Variants in PARD3 observed in about 807,000 individuals in gnomAD.
PARD3 encodes par-3 family cell polarity regulator.
In PARD3, 75 loss-of-function variants were observed where a neutral mutation model predicts 155.4. The observed-to-expected ratio is 0.48, with a 90% CI of 0.40 to 0.58. The LOEUF (loss-of-function observed/expected upper bound fraction) is 0.58, where lower values mean the gene tolerates loss of function less well. PARD3 is among the 20% of genes least tolerant of loss of function. PARD3 has a pLI of 0.00. For missense variants in PARD3, 1,642 were observed against 1,721.7 expected (o/e 0.95, Z 0.82); for synonymous variants, 576 against 610.5 (o/e 0.94, Z 0.83).
intron 2 of PARD3, among the ~76,000 whole-genome samples, chr10:34,606,124 A>G (rs998770325): frequency 6.7e-6 from 1 of 148,954 alleles, no homozygotes; most frequent in Non-Finnish European, 1.5e-5. Flanking sequence ...AGAACTACAT[A>G]TATCTATATT....
At chr10:34,418,437 G>A (rs2132391014) in intron 5 of PARD3, among the ~76,000 whole-genome samples, 1 of 152,218 alleles carries the variant, frequency 6.6e-6, no homozygotes, top group African/African-American at 2.4e-5. Context: ...GCCTCCCAAA[G>A]TGCTGGGACT....
intron 22 of PARD3, among the ~76,000 whole-genome samples, chr10:34,229,594 C>A (rs755859064): frequency 3.3e-5 from 5 of 151,734 alleles, no homozygotes; most frequent in Non-Finnish European, 7.4e-5. Context: ...CCTAAATATG[C>A]CTCTTTAATA....
At chr10:34,814,764 T>C in intron 1 of PARD3, 112 bp downstream of exon 1, 5 of 970,908 alleles carry the variant, frequency 5.1e-6, no homozygotes, top group Non-Finnish European at 7.2e-6. Context: ...CGGCCGCACT[T>C]TCCCTTTCCC....
At chr10:34,119,995 T>C (rs1241886902) in intron 23 of PARD3, among the ~76,000 whole-genome samples, 1 of 148,578 alleles carries the variant, frequency 6.7e-6, no homozygotes, top group Non-Finnish European at 1.5e-5. Flanking sequence ...AACTTTCTAG[T>C]CTTCTTTAAT....
intron 1 of PARD3, among the ~76,000 whole-genome samples, chr10:34,801,374 A>C (rs904051082): frequency 3.3e-5 from 5 of 152,220 alleles, no homozygotes; most frequent in African/African-American, 1.2e-4. Flanking sequence ...GAGAGGGAAG[A>C]AGCATTACTT....
rs58993670 is a variant in PARD3 at position 34,756,150 on chromosome 10, CT to C, written c.120+58725del. On this transcript the variant is annotated intron_variant, in intron 1 of 24. Transcript: ENST00000374788. ...ATCTCCCCATGGCAAAAAAATGCAC[CT>C]TTTTTTTTTTTTTTTTTTTTGAGAC... Among the ~76,000 whole-genome samples the C allele has an allele frequency of 1.9e-3, 177 of 94,560 alleles. 2 individuals carry two copies. Among genetic ancestry groups the C allele is most frequent in the South Asian group, 0.016 (40 of 2,470 alleles). 62.0% of individuals were successfully genotyped at this position (94,560 alleles called of 152,430 possible).
At position 34,437,389 on chromosome 10, in the gene PARD3, C is replaced by A. The variant is rs189445890; in HGVS notation, c.714+12928G>T. 1.8e-3 allele frequency among the ~76,000 whole-genome samples: 277 copies of A among 152,208 alleles called. 1 individual carries two copies. In the Middle Eastern group the frequency reaches 0.02, roughly 11 times the overall value. On this transcript the variant is annotated intron_variant, in intron 5 of 24. Transcript: ENST00000374788. ...TCAAAATAATTCTCATATCAAATGT[C>A]AATTTCTACCAAATATCCATGTACA...
Position 34,111,283 on chromosome 10 carries a change from G to A in PARD3, c.3948C>T (p.Pro1316=). ...NYDSYKKVQD[P]SYAPPKGPFR... ...AGGGCCCCTTGGGAGGGGCGTAACT[G>A]GGGTCCTGGACTTTCTTATACGAGT... is the stretch of plus-strand genomic sequence containing the variant. Residue 1316 remains proline (P), a synonymous_variant, in exon 25 of 25, where the codon CCC becomes CCT. Coordinates refer to ENST00000374788, the MANE Select transcript of PARD3 (RefSeq NM_001184785.2). The A allele has an allele frequency of 6.2e-7, 1 of 1,613,958 alleles. No individual in the cohort carries two copies.
At chr10:34,595,877 A>G in intron 2 of PARD3, among the ~76,000 whole-genome samples, 1 of 152,194 alleles carries the variant, frequency 6.6e-6, no homozygotes, top group Non-Finnish European at 1.5e-5. Flanking sequence ...CTGTAATCCC[A>G]GCACTTTGGG....
At chr10:34,503,237 T>C (rs1589802964) in intron 3 of PARD3, among the ~76,000 whole-genome samples, 1 of 152,228 alleles carries the variant, frequency 6.6e-6, no homozygotes. Flanking sequence ...TAAATACTTC[T>C]CAAGCTGTTT....
At chr10:34,698,816 C>T (rs927773830) in intron 1 of PARD3, among the ~76,000 whole-genome samples, 1 of 152,194 alleles carries the variant, frequency 6.6e-6, no homozygotes, top group African/African-American at 2.4e-5. Context: ...CAGCACAAAA[C>T]CTTTTGTTGA....
chr10:34,260,705 C>T (rs1954911246), intron 22 of PARD3, among the ~76,000 whole-genome samples: 2 of 152,162 alleles, frequency 1.3e-5, no homozygotes, highest in Non-Finnish European at 2.9e-5. Context: ...GATTGACTAC[C>T]TTCGAGAATT....
intron 2 of PARD3, among the ~76,000 whole-genome samples, chr10:34,536,259 TA>T (rs1412858029): frequency 6.6e-6 from 1 of 151,964 alleles, no homozygotes; most frequent in East Asian, 1.9e-4. Context: ...AATATGCATA[TA>T]AAAAGTACTT....
At chr10:34,557,416 C>T (rs2085089329) in intron 2 of PARD3, among the ~76,000 whole-genome samples, 2 of 151,982 alleles carry the variant, frequency 1.3e-5, no homozygotes, top group Admixed American at 6.6e-5. Flanking sequence ...GCAGTAGGAT[C>T]GCTTGAGCCC....
intron 19 of PARD3, among the ~76,000 whole-genome samples, chr10:34,326,751 A>C (rs975718779): frequency 1.3e-5 from 2 of 152,206 alleles, no homozygotes; most frequent in African/African-American, 4.8e-5. Flanking sequence ...TTCAAATTTC[A>C]TACTGAAAAC....
chr10:34,576,970 A>G (rs1354929036), intron 2 of PARD3, among the ~76,000 whole-genome samples: 1 of 152,210 alleles, frequency 6.6e-6, no homozygotes, highest in Non-Finnish European at 1.5e-5. Context: ...GTGAACATAC[A>G]GCACAGATTG....
At chr10:34,343,214 T>A in intron 15 of PARD3, 2 of 546,884 alleles carry the variant, frequency 3.7e-6, no homozygotes, top group Non-Finnish European at 4.7e-6. Flanking sequence ...TGACGAGGCA[T>A]GTCACAATAT....
intron 5 of PARD3, among the ~76,000 whole-genome samples, chr10:34,423,701 C>T (rs1012065025): frequency 2.6e-5 from 4 of 152,004 alleles, no homozygotes; most frequent in African/African-American, 9.7e-5. Context: ...ACATACACAA[C>T]TGAATTTGGG....
At chr10:34,520,966 G>A (rs2082107892) in intron 2 of PARD3, among the ~76,000 whole-genome samples, 1 of 152,142 alleles carries the variant, frequency 6.6e-6, no homozygotes, top group African/African-American at 2.4e-5. Flanking sequence ...TATGCATTTT[G>A]AAGATATTAA....
Sources: gnomAD v4.1 joint callset for allele counts (sites outside exome capture counted in the v4.1 genomes callset) on GRCh38, gnomAD v4.1.1 for gene constraint, MANE v1.5 for transcripts, NCBI Gene and HGNC (gene_info 2026-07-23, HGNC 2026-07-21) for gene names.